Variants in RPS6KA2 observed in about 807,000 individuals in gnomAD.
RPS6KA2 encodes the protein ribosomal protein S6 kinase alpha-2.
Under a neutral mutation model 91.8 loss-of-function variants are expected in RPS6KA2, and 42 were observed. That is an observed-to-expected ratio of 0.46 (90% CI 0.36 to 0.59). The LOEUF (loss-of-function observed/expected upper bound fraction) is 0.59, where lower values mean the gene tolerates loss of function less well. RPS6KA2 is among the 20% of genes least tolerant of loss of function. RPS6KA2 has a pLI of 0.00. For missense variants in RPS6KA2, 798 were observed against 978.5 expected (o/e 0.82, Z 2.46); for synonymous variants, 414 against 393.6 (o/e 1.05, Z -0.61).
intron 2 of RPS6KA2, among the ~76,000 whole-genome samples, chr6:166,725,632 A>T (rs1790313384): frequency 6.6e-6 from 1 of 152,192 alleles, no homozygotes; most frequent in African/African-American, 2.4e-5. Flanking sequence ...TGAAAGGACA[A>T]GGAGCTGGGT....
At chr6:166,544,287 A>G (rs1433249708) in intron 1 of RPS6KA2, among the ~76,000 whole-genome samples, 1 of 152,190 alleles carries the variant, frequency 6.6e-6, no homozygotes, top group East Asian at 1.9e-4. Flanking sequence ...AGATTCACTA[A>G]ATGGCTTTTT....
At position 166,480,493 on chromosome 6, in the gene RPS6KA2, ATATAT is replaced by A. The variant is rs1204630486; in HGVS notation, c.907+8335_907+8339del. On this transcript the variant is annotated intron_variant, in intron 10 of 20. Coordinates refer to ENST00000265678, the MANE Select transcript of RPS6KA2 (RefSeq NM_021135.6). ...AGATTGTGATTTTATATATATATAT[ATATAT>A]ATATATATATATATATAATATATTT... is the stretch of plus-strand genomic sequence containing the variant. 2.3e-3 allele frequency among the ~76,000 whole-genome samples: 301 copies of A among 129,698 alleles called. 12 individuals are homozygous for A. The highest frequency in any genetic ancestry group is 9.0e-3 in the African/African-American group (283 of 31,574). 85.1% of individuals were successfully genotyped at this position (129,698 alleles called of 152,430 possible).
chr6:166,680,746 G>A (rs1486419464), intron 2 of RPS6KA2, among the ~76,000 whole-genome samples: 1 of 152,168 alleles, frequency 6.6e-6, no homozygotes, highest in Non-Finnish European at 1.5e-5. Flanking sequence ...GAAGGAACAA[G>A]CTCCAGACAT....
intron 1 of RPS6KA2, among the ~76,000 whole-genome samples, chr6:166,580,174 A>T (rs189141678): frequency 8.8e-4 from 134 of 152,196 alleles, no homozygotes; most frequent in East Asian, 5.0e-3. Context: ...TCTCAGGCTG[A>T]CTCACACAGG....
chr6:166,506,328 T>G (rs1033546044), intron 5 of RPS6KA2, among the ~76,000 whole-genome samples: 3 of 152,194 alleles, frequency 2.0e-5, no homozygotes, highest in African/African-American at 7.2e-5. Context: ...GACTTTTTGC[T>G]GATTACTGTT....
chr6:166,580,641 G>T (rs1337415387), intron 1 of RPS6KA2, among the ~76,000 whole-genome samples: 4 of 152,142 alleles, frequency 2.6e-5, no homozygotes, highest in East Asian at 1.9e-4. Context: ...TAAGCAAAAA[G>T]ACCTGATTTT....
intron 1 of RPS6KA2, among the ~76,000 whole-genome samples, chr6:166,599,939 C>T (rs1189107191): frequency 1.3e-5 from 2 of 152,128 alleles, no homozygotes; most frequent in East Asian, 1.9e-4. Context: ...TAGCTCCTTC[C>T]GTCATGATCC....
chr6:166,637,365 G>C (rs924039934), intron 2 of RPS6KA2, among the ~76,000 whole-genome samples: 2 of 152,252 alleles, frequency 1.3e-5, no homozygotes, highest in Non-Finnish European at 2.9e-5. Context: ...GAAGGGTCAG[G>C]CTGGGGAAGA....
rs879522972 is a variant in RPS6KA2, at chr6:166,414,010, C to T, written c.1939-79G>A. The stretch of plus-strand genomic sequence containing the variant: ...TCAGAGAGCCTCCCCAGCAGAACTC[C>T]TCTCCCTCTATGGCAACACCCAACC... On this transcript the variant is annotated intron_variant, in intron 19 of 20. Transcript: ENST00000265678. 4.3e-6 allele frequency: 6 copies of T among 1,389,546 alleles called. No individual in the cohort carries two copies. In the Admixed American group the frequency reaches 5.4e-5, roughly 12 times the overall value. The allele number at this position is 1,389,546 out of a possible 1,614,324, so 86.1% of individuals were successfully genotyped here.
At chr6:166,657,995 T>C (rs1175764156) in intron 2 of RPS6KA2, among the ~76,000 whole-genome samples, 2 of 152,208 alleles carry the variant, frequency 1.3e-5, no homozygotes, top group African/African-American at 4.8e-5. Flanking sequence ...GCGAGTCTCA[T>C]GGCTCAGCCT....
chr6:166,526,139 T>A (rs995852377), intron 3 of RPS6KA2, among the ~76,000 whole-genome samples: 1 of 152,128 alleles, frequency 6.6e-6, no homozygotes, highest in Non-Finnish European at 1.5e-5. Flanking sequence ...GTATGCAAAG[T>A]ATTATTTGCA....
chr6:166,556,289 C>A (rs574517627), intron 1 of RPS6KA2, among the ~76,000 whole-genome samples: 1 of 152,188 alleles, frequency 6.6e-6, no homozygotes, highest in Admixed American at 6.5e-5. Flanking sequence ...AATTCACTCA[C>A]ACCAACTCCT....
chr6:166,412,819 CAG>C lies in RPS6KA2; in HGVS notation c.2143_2144del (p.Leu715ValfsTer49). On this transcript the variant is annotated frameshift_variant, in exon 21 of 21. Transcript: ENST00000265678. LOFTEE classifies it high-confidence loss of function. This position sits in a 1 kb window ranked among gnomAD's most constrained non-coding sequence, Gnocchi z 4.3. ...CTCTGCGCTGAGCCAGGTTGGATGA[CAG>C]CACGGGCTCCAGCCGCGGGGCCTGA... ...TPQAPRLEPV[L>X]SSNLAQRRGM... The C allele has an allele frequency of 6.3e-7, 1 of 1,585,804 alleles. No homozygotes were observed.
intron 2 of RPS6KA2, among the ~76,000 whole-genome samples, chr6:166,785,480 C>G (rs1456118444): frequency 6.6e-6 from 1 of 152,236 alleles, no homozygotes; most frequent in African/African-American, 2.4e-5. Context: ...TTTCCATAGA[C>G]AATGGACCAG....
chr6:166,561,482 T>C (rs1784341256), intron 1 of RPS6KA2, among the ~76,000 whole-genome samples: 1 of 151,944 alleles, frequency 6.6e-6, no homozygotes, highest in African/African-American at 2.4e-5. Context: ...TGCTGCTCTG[T>C]GCCCCTACTG....
chr6:166,451,024 G>A, intron 13 of RPS6KA2, 79 bp downstream of exon 13: 2 of 1,566,656 alleles, frequency 1.3e-6, no homozygotes, highest in African/African-American at 1.4e-5. Flanking sequence ...CCGGGTGACT[G>A]AGGCCACAGG....
At chr6:166,424,163 C>T (rs113619562) in intron 16 of RPS6KA2, among the ~76,000 whole-genome samples, 5 of 152,324 alleles carry the variant, frequency 3.3e-5, no homozygotes, top group Non-Finnish European at 7.3e-5. Context: ...TAAAGGGACA[C>T]ACTCCAGCAG....
intron 2 of RPS6KA2, among the ~76,000 whole-genome samples, chr6:166,645,040 C>A (rs1787564114): frequency 6.6e-6 from 1 of 152,166 alleles, no homozygotes; most frequent in Non-Finnish European, 1.5e-5. Flanking sequence ...ACTGCCCACC[C>A]CTGATTTTGG....
At chr6:166,856,944 C>T (rs760174462) in intron 2 of RPS6KA2, among the ~76,000 whole-genome samples, 9 of 152,212 alleles carry the variant, frequency 5.9e-5, no homozygotes, top group Admixed American at 2.0e-4. Flanking sequence ...TGTTCAAGAA[C>T]GCAGCTGGAT....
Sources: allele counts gnomAD v4.1 joint callset (sites outside exome capture counted in the v4.1 genomes callset), GRCh38; gene constraint gnomAD v4.1.1; non-coding constraint Gnocchi (gnomAD v3.1); transcripts MANE v1.5; gene names NCBI Gene and HGNC (gene_info 2026-07-23, HGNC 2026-07-21).